MTUS2: variants seen among roughly 807,000 people sequenced by gnomAD.
MTUS2 encodes microtubule-associated tumor suppressor candidate 2.
A neutral mutation model predicts 114.1 loss-of-function variants in MTUS2; 40 were observed. The ratio of observed to expected loss-of-function variants is 0.35; its 90% CI spans 0.27 to 0.46. MTUS2 has a LOEUF of 0.46. Ranked by LOEUF, MTUS2 falls within the 20% of genes least tolerant of loss-of-function variation. The pLI is 1.00. For synonymous variants in MTUS2, 688 were observed against 672.0 expected (o/e 1.02, Z -0.37); for missense variants, 1,679 against 1,705.4 (o/e 0.98, Z 0.27).
intron 2 of MTUS2, among the ~76,000 whole-genome samples, chr13:28,998,404 G>C (rs571756486): frequency 1.3e-5 from 2 of 152,098 alleles, no homozygotes; most frequent in African/African-American, 2.4e-5. Flanking sequence ...TCTTTGTGGC[G>C]TTCTCTGTAT....
chr13:29,499,339 G>A (rs187262198), intron 14 of MTUS2, among the ~76,000 whole-genome samples: 1 of 152,292 alleles, frequency 6.6e-6, no homozygotes, highest in Non-Finnish European at 1.5e-5. Flanking sequence ...AGAAAAGTGT[G>A]CAAAGGGAGT....
At chr13:29,419,254 G>C (rs1875900088) in intron 8 of MTUS2, among the ~76,000 whole-genome samples, 1 of 152,218 alleles carries the variant, frequency 6.6e-6, no homozygotes, top group African/African-American at 2.4e-5. Flanking sequence ...GAAGCAAAGA[G>C]GAGTGGCAGG....
intron 8 of MTUS2, among the ~76,000 whole-genome samples, chr13:29,391,468 C>T (rs371351636): frequency 5.9e-5 from 9 of 152,234 alleles, no homozygotes; most frequent in Middle Eastern, 3.4e-3. Flanking sequence ...GGGAATTCCA[C>T]TGGAGTAAGG....
At chr13:29,303,753 A>G (rs989728681) in intron 6 of MTUS2, among the ~76,000 whole-genome samples, 9 of 152,198 alleles carry the variant, frequency 5.9e-5, no homozygotes, top group Non-Finnish European at 8.8e-5. Flanking sequence ...GCCTAGCAAG[A>G]CATGCCAACA....
At chr13:28,946,352 T>C (rs541085659) in intron 2 of MTUS2, among the ~76,000 whole-genome samples, 6 of 152,018 alleles carry the variant, frequency 3.9e-5, no homozygotes, top group African/African-American at 1.5e-4. Context: ...CACACACATG[T>C]GAGTTCCTGC....
At chr13:29,381,483 T>G (rs114314509) in intron 8 of MTUS2, among the ~76,000 whole-genome samples, 438 of 152,346 alleles carry the variant, frequency 2.9e-3, no homozygotes, top group African/African-American at 9.9e-3. Context: ...TGCTAACATT[T>G]ACATATGTTT....
At chr13:29,425,188 C>T (rs1876417986) in intron 8 of MTUS2, among the ~76,000 whole-genome samples, 1 of 152,098 alleles carries the variant, frequency 6.6e-6, no homozygotes, top group Admixed American at 6.6e-5. Flanking sequence ...CCAAGGTGGG[C>T]AGATCACTTG....
intron 2 of MTUS2, among the ~76,000 whole-genome samples, chr13:28,966,995 G>A (rs931518952): frequency 6.6e-6 from 1 of 152,110 alleles, no homozygotes; most frequent in African/African-American, 2.4e-5. Flanking sequence ...CCTGACCACT[G>A]TTACCACGAT....
chr13:29,264,340 G>A (rs1357853599), intron 5 of MTUS2, among the ~76,000 whole-genome samples: 1 of 152,252 alleles, frequency 6.6e-6, no homozygotes, highest in African/African-American at 2.4e-5. Context: ...ATGGGCTGGA[G>A]TTGAGTGCCT....
intron 5 of MTUS2, among the ~76,000 whole-genome samples, chr13:29,241,531 G>A (rs1197255867): frequency 1.3e-5 from 2 of 152,036 alleles, no homozygotes; most frequent in Middle Eastern, 3.2e-3. Flanking sequence ...TTTCAGAGCG[G>A]CCGCCCTCCC....
intron 5 of MTUS2, among the ~76,000 whole-genome samples, chr13:29,232,625 TA>T (rs954338038): frequency 4.3e-4 from 66 of 152,338 alleles, no homozygotes; most frequent in Middle Eastern, 3.4e-3. Context: ...TTAAGTGGCT[TA>T]TTTTTTTACC....
chr13:29,085,153 A>G lies in MTUS2; in HGVS notation c.2447-15620A>G, dbSNP rs1051310621. 1.3e-4 allele frequency among the ~76,000 whole-genome samples: 20 copies of G among 152,240 alleles called. No individual in the cohort carries two copies. In the East Asian group the frequency reaches 3.7e-3, roughly 28 times the overall value. ...TGCAGGCTTCCCTTTACCTTCCACC[A>G]TGAGTGGAAGCTTCCTGACATCTCA... On this transcript the variant is annotated intron_variant, in intron 4 of 15. Transcript: ENST00000612955.
chr13:28,964,860 C>T (rs1315937611), intron 2 of MTUS2, among the ~76,000 whole-genome samples: 2 of 151,488 alleles, frequency 1.3e-5, no homozygotes, highest in African/African-American at 4.8e-5. Flanking sequence ...AGCATCTCTG[C>T]GTTCCCGAGC....
chr13:29,234,217 C>T (rs2139371499), intron 5 of MTUS2, among the ~76,000 whole-genome samples: 1 of 152,166 alleles, frequency 6.6e-6, no homozygotes, highest in East Asian at 1.9e-4. Context: ...CTATTGAGCA[C>T]CTACTATATT....
intron 9 of MTUS2, among the ~76,000 whole-genome samples, chr13:29,478,013 A>T (rs4326896): frequency 6.6e-6 from 1 of 152,176 alleles, no homozygotes; most frequent in East Asian, 1.9e-4. Context: ...CCAAACAGGC[A>T]TAAGCTCAAT....
chr13:28,874,258 C>A (rs1877799782), intron 2 of MTUS2, among the ~76,000 whole-genome samples: 1 of 152,134 alleles, frequency 6.6e-6, no homozygotes, highest in East Asian at 1.9e-4. Context: ...CCCTCGGCCT[C>A]CCAAAGTGCA....
chr13:29,390,102 T>G (rs369971750), intron 8 of MTUS2, among the ~76,000 whole-genome samples: 15 of 109,026 alleles, frequency 1.4e-4, no homozygotes, highest in East Asian at 9.5e-4. Flanking sequence ...CACATACACA[T>G]ATATATACAC....
chr13:29,062,726 G>GT (rs1326403676), intron 4 of MTUS2, among the ~76,000 whole-genome samples: 1 of 152,084 alleles, frequency 6.6e-6, no homozygotes, highest in Non-Finnish European at 1.5e-5. Flanking sequence ...GTATCACTAG[G>GT]TTTACGGTGG....
intron 9 of MTUS2, among the ~76,000 whole-genome samples, chr13:29,475,049 G>A (rs1419486715): frequency 1.3e-5 from 2 of 152,086 alleles, no homozygotes; most frequent in African/African-American, 4.8e-5. Context: ...TGAGTTTTAT[G>A]TGCTCAATGT....
Sources: allele counts gnomAD v4.1 joint callset (sites outside exome capture counted in the v4.1 genomes callset), GRCh38; gene constraint gnomAD v4.1.1; transcripts MANE v1.5; gene names NCBI Gene and HGNC (gene_info 2026-07-23, HGNC 2026-07-21).